Variants in SLIT2 observed in about 807,000 individuals in gnomAD.
SLIT2 encodes slit guidance ligand 2.
In SLIT2, 41 loss-of-function variants were observed where a neutral mutation model predicts 185.7. The ratio of observed to expected loss-of-function variants is 0.22; its 90% CI spans 0.17 to 0.29. The LOEUF (loss-of-function observed/expected upper bound fraction) is 0.29, where lower values mean the gene tolerates loss of function less well. Ranked by LOEUF, SLIT2 falls within the 10% of genes least tolerant of loss-of-function variation. The pLI is 1.00. For missense variants in SLIT2, 1,571 were observed against 1,909.0 expected (o/e 0.82, Z 3.30); for synonymous variants, 693 against 680.2 (o/e 1.02, Z -0.29).
chr4:20,450,323 G>T (rs1712331271), intron 4 of SLIT2, among the ~76,000 whole-genome samples: 1 of 151,990 alleles, frequency 6.6e-6, no homozygotes, highest in African/African-American at 2.4e-5. Context: ...TATGGTTTGG[G>T]GCTACATTTT....
At position 20,373,904 on chromosome 4, in the gene SLIT2, T is replaced by C. The variant is rs1723796205; in HGVS notation, c.396-93848T>C. Among the ~76,000 whole-genome samples the C allele has an allele frequency of 2.0e-5, 3 of 152,124 alleles. No homozygotes were observed. In the South Asian group the frequency reaches 6.2e-4, roughly 32 times the overall value. On this transcript the variant is annotated intron_variant, in intron 4 of 36. Transcript: ENST00000504154. ...GGAATCACAGGGGGAAAGAAGATTTTCAGTGAGAGGAACAATGAGCAGCTT... is the reference window on the plus strand; with the variant it reads ...GGAATCACAGGGGGAAAGAAGATTTCCAGTGAGAGGAACAATGAGCAGCTT...
chr4:20,445,071 ACTGATCAGTC>A (rs935998307), intron 4 of SLIT2, among the ~76,000 whole-genome samples: 18 of 152,298 alleles, frequency 1.2e-4, no homozygotes, highest in Admixed American at 7.8e-4. Context: ...CCCTAGCTGC[ACTGATCAGTC>A]CTGTCCTGCT....
rs577060133 is a variant in SLIT2, at chr4:20,281,917, C to T, written c.395+13036C>T. Among the ~76,000 whole-genome samples, 8 of 152,288 alleles carry T rather than the reference C, an allele frequency of 5.3e-5. No homozygotes were observed. The East Asian group carries it at 5.8e-4, about 11-fold the overall frequency. ...CATCATATTTCAGAGCAAGAGTTTT[C>T]GTCTAACGAGGTTGGAAAAGAATTT... is the stretch of plus-strand genomic sequence containing the variant. On this transcript the variant is annotated intron_variant, in intron 4 of 36. Transcript: ENST00000504154.
rs556808272 is a variant in SLIT2, at chr4:20,403,438, T to C, written c.396-64314T>C. Among the ~76,000 whole-genome samples the C allele has an allele frequency of 3.3e-5, 5 of 152,060 alleles. No homozygotes were observed. The South Asian group carries it at 1.0e-3, about 32-fold the overall frequency. On this transcript the variant is annotated intron_variant, in intron 4 of 36. Transcript: ENST00000504154. ...GCTGGGGCATTGGTTGCTGGATTGT[T>C]ATTCTGTTAGCATGATGAACTAATT...
chr4:20,348,241 T>G (rs537925376), intron 4 of SLIT2, among the ~76,000 whole-genome samples: 1 of 152,064 alleles, frequency 6.6e-6, no homozygotes, highest in East Asian at 1.9e-4. Flanking sequence ...TGTTTTTTGT[T>G]TGTTTGTTTT....
At chr4:20,612,408 T>C (rs1156273271) in intron 34 of SLIT2, among the ~76,000 whole-genome samples, 1 of 151,872 alleles carries the variant, frequency 6.6e-6, no homozygotes, top group Non-Finnish European at 1.5e-5. Flanking sequence ...ACAACACCTC[T>C]GTCCACCCAG....
intron 4 of SLIT2, among the ~76,000 whole-genome samples, chr4:20,393,053 A>G (rs751899652): frequency 5.9e-5 from 9 of 152,094 alleles, no homozygotes; most frequent in Non-Finnish European, 1.2e-4. Flanking sequence ...TTACACCAGC[A>G]TCACCACAGA....
intron 26 of SLIT2, among the ~76,000 whole-genome samples, chr4:20,556,637 T>G (rs937828723): frequency 6.6e-6 from 1 of 151,936 alleles, no homozygotes; most frequent in Non-Finnish European, 1.5e-5. Flanking sequence ...ATACTGAAAT[T>G]AGGCCAGACA....
rs567275307 is a variant in SLIT2, at chr4:20,579,855, G to T, written c.3089-9789G>T. ...TTTGTCAAAAAATTACTATAGTTAAGAAATTTCAACAATGCTTAATGAGTT... is the reference window on the plus strand; with the variant it reads ...TTTGTCAAAAAATTACTATAGTTAATAAATTTCAACAATGCTTAATGAGTT... On this transcript the variant is annotated intron_variant, in intron 29 of 36. Transcript: ENST00000504154. Among the ~76,000 whole-genome samples the T allele has an allele frequency of 4.4e-4, 67 of 150,892 alleles. 1 individual carries two copies. The South Asian group carries it at 0.013, about 30-fold the overall frequency.
At chr4:20,490,251 T>C (rs1416441193) in intron 8 of SLIT2, among the ~76,000 whole-genome samples, 1 of 152,204 alleles carries the variant, frequency 6.6e-6, no homozygotes, top group East Asian at 1.9e-4. Flanking sequence ...ATAACAACTG[T>C]ATGAGAAATG....
chr4:20,331,618 A>C (rs1433059158), intron 4 of SLIT2, among the ~76,000 whole-genome samples: 1 of 152,096 alleles, frequency 6.6e-6, no homozygotes, highest in Non-Finnish European at 1.5e-5. Flanking sequence ...AGATTTTTTA[A>C]ATAAGAGCTT....
intron 4 of SLIT2, among the ~76,000 whole-genome samples, chr4:20,426,987 C>G (rs1187771955): frequency 6.6e-6 from 1 of 152,094 alleles, no homozygotes; most frequent in African/African-American, 2.4e-5. Flanking sequence ...CTTACCTGCC[C>G]TCTATAGTCT....
chr4:20,609,747 CTGGA>C (rs1350097763), intron 33 of SLIT2, among the ~76,000 whole-genome samples: 2 of 152,096 alleles, frequency 1.3e-5, no homozygotes, highest in African/African-American at 2.4e-5. Context: ...GAGAATGTGG[CTGGA>C]TGATGATGAA....
At chr4:20,367,415 AGT>A (rs1723205034) in intron 4 of SLIT2, among the ~76,000 whole-genome samples, 2 of 152,190 alleles carry the variant, frequency 1.3e-5, no homozygotes, top group South Asian at 4.1e-4. Context: ...TAAAACTAAT[AGT>A]GTGTTTTCAA....
In SLIT2 at chr4:20,355,442, C is replaced by T. The variant is rs541459256; in HGVS notation, c.395+86561C>T. Among the ~76,000 whole-genome samples the T allele has an allele frequency of 3.9e-5, 6 of 152,304 alleles. No individual in the cohort carries two copies. The East Asian group carries it at 1.2e-3, about 29-fold the overall frequency. On this transcript the variant is annotated intron_variant, in intron 4 of 36. Coordinates refer to ENST00000504154, the MANE Select transcript of SLIT2 (RefSeq NM_004787.4). ...AAAAAACATGTTTAATTATTACTCACATTTCCATTAGTAGAATTCTTTCCA... is the reference window on the plus strand; with the variant it reads ...AAAAAACATGTTTAATTATTACTCATATTTCCATTAGTAGAATTCTTTCCA...
Position 20,319,806 on chromosome 4 carries a change from C to CA in SLIT2, c.395+50929dup, listed in dbSNP as rs200940864. Among the ~76,000 whole-genome samples the CA allele has an allele frequency of 4.8e-3, 423 of 88,824 alleles. 2 individuals carry two copies. The highest frequency in any genetic ancestry group is 0.015 in the African/African-American group (410 of 27,158). The allele number at this position is 88,824 out of a possible 152,430, so 58.3% of individuals were successfully genotyped here. A position where few individuals can be genotyped will look rare whatever the true frequency, so the allele number is the denominator to read the frequency against. ...CTGGCTTTGGGCCAGCACTAAAAAACAAAACAAAAAAAAAACAAAAACCAT... is the reference window on the plus strand; with the variant it reads ...CTGGCTTTGGGCCAGCACTAAAAAACAAAAACAAAAAAAAAACAAAAACCAT... On this transcript the variant is annotated intron_variant, in intron 4 of 36. Coordinates refer to ENST00000504154, the MANE Select transcript of SLIT2 (RefSeq NM_004787.4).
At chr4:20,357,680 A>G (rs931846272) in intron 4 of SLIT2, among the ~76,000 whole-genome samples, 16 of 152,162 alleles carry the variant, frequency 1.1e-4, no homozygotes, top group Non-Finnish European at 2.2e-4. Flanking sequence ...GAAAGACAAA[A>G]TCCGTGATGT....
chr4:20,480,420 A>G (rs1238523038), intron 5 of SLIT2, among the ~76,000 whole-genome samples: 1 of 152,180 alleles, frequency 6.6e-6, no homozygotes, highest in Non-Finnish European at 1.5e-5. Flanking sequence ...CTCTTAATGG[A>G]TAGCTTTTCT....
chr4:20,333,374 A>C (rs1720228532), intron 4 of SLIT2, among the ~76,000 whole-genome samples: 1 of 152,184 alleles, frequency 6.6e-6, no homozygotes, highest in Admixed American at 6.5e-5. Flanking sequence ...TCTTACTGCT[A>C]ATCCAGAATA....
Sources: allele counts gnomAD v4.1 joint callset (sites outside exome capture counted in the v4.1 genomes callset), GRCh38; gene constraint gnomAD v4.1.1; transcripts MANE v1.5; gene names NCBI Gene and HGNC (gene_info 2026-07-23, HGNC 2026-07-21).